MKLN1: variants seen among roughly 807,000 people sequenced by gnomAD.
MKLN1 encodes muskelin 1, also known as muskelin.
In MKLN1, 18 loss-of-function variants were observed where a neutral mutation model predicts 99.0. The observed-to-expected ratio is 0.18, with a 90% confidence interval of 0.13 to 0.27. The LOEUF (loss-of-function observed/expected upper bound fraction) is 0.27, where lower values mean the gene tolerates loss of function less well. Among genes scored for constraint, MKLN1 ranks in the 10% least tolerant of loss-of-function variants. The probability of loss-of-function intolerance (pLI) is 1.00; values close to 1 mark genes in which losing one functional copy is unlikely to be tolerated. For missense variants in MKLN1, 621 were observed against 875.9 expected, an observed-to-expected ratio of 0.71 and a Z score of 3.67; for synonymous variants, 288 against 293.2, an observed-to-expected ratio of 0.98 and a Z score of 0.18.
chr7:131,338,979 G>T (rs1169636138), intron 1 of MKLN1, among the ~76,000 whole-genome samples: 2 of 152,132 alleles, frequency 1.3e-5, no homozygotes, highest in Non-Finnish European at 2.9e-5. Flanking sequence ...TCCATTTAAT[G>T]AATAGTAAAT....
chr7:131,218,329 A>G (rs990049789), intron 3 of MKLN1, among the ~76,000 whole-genome samples: 15 of 152,252 alleles, frequency 9.9e-5, no homozygotes, highest in Non-Finnish European at 1.8e-4. Flanking sequence ...ATGACTGATT[A>G]GAGTTTAATT....
chr7:131,216,681 A>G (rs930219755), intron 3 of MKLN1, among the ~76,000 whole-genome samples: 7 of 152,280 alleles, frequency 4.6e-5, no homozygotes, highest in Admixed American at 4.6e-4. Context: ...CAATTTCTAC[A>G]ATGTCTTTCA....
intron 2 of MKLN1, among the ~76,000 whole-genome samples, chr7:131,378,804 T>A (rs1262166861): frequency 1.3e-5 from 2 of 151,254 alleles, no homozygotes; most frequent in Non-Finnish European, 1.5e-5. Context: ...CACTCCAGCC[T>A]GGGTGACAGA....
At chr7:131,466,078 A>G (rs550052353) in intron 14 of MKLN1, among the ~76,000 whole-genome samples, 198 bp from the exon 15 acceptor site, 2 of 152,294 alleles carry the variant, frequency 1.3e-5, no homozygotes, top group Admixed American at 6.5e-5. Context: ...GCATATGTGC[A>G]GTTTTTTAAA....
At chr7:131,315,096 A>G (rs1281314862) in intron 3 of MKLN1, among the ~76,000 whole-genome samples, 2 of 152,020 alleles carry the variant, frequency 1.3e-5, no homozygotes, top group East Asian at 1.9e-4. Context: ...GCTTTTGACT[A>G]TGGAGTTCTT....
chr7:131,447,833 A>G (rs1001385643), intron 12 of MKLN1, among the ~76,000 whole-genome samples: 16 of 152,328 alleles, frequency 1.1e-4, no homozygotes, highest in African/African-American at 3.6e-4. Context: ...AATGTACAAG[A>G]TGAAAACAGT....
chr7:131,450,838 C>T (rs558960447), intron 12 of MKLN1, among the ~76,000 whole-genome samples: 9 of 152,298 alleles, frequency 5.9e-5, no homozygotes, highest in South Asian at 2.1e-4. Flanking sequence ...TCATTGTTAA[C>T]GCAATTCTAG....
At chr7:131,123,479 T>C (rs560380289) in intron 1 of MKLN1, among the ~76,000 whole-genome samples, 24 of 152,304 alleles carry the variant, frequency 1.6e-4, no homozygotes, top group African/African-American at 5.3e-4. Flanking sequence ...CATTTAAAAA[T>C]GTGATGGCCT....
At chr7:131,351,040 C>T (rs894839879) in intron 1 of MKLN1, among the ~76,000 whole-genome samples, 3 of 152,086 alleles carry the variant, frequency 2.0e-5, no homozygotes, top group East Asian at 1.9e-4. Flanking sequence ...AGGATCCAAA[C>T]GCTTATTGCA....
intron 3 of MKLN1, among the ~76,000 whole-genome samples, chr7:131,205,621 C>A (rs1203484616): frequency 6.6e-6 from 1 of 152,132 alleles, no homozygotes; most frequent in Non-Finnish European, 1.5e-5. Context: ...ATTCATCAGG[C>A]TAGACTCTTA....
chr7:131,184,171 A>C (rs1405613141), intron 2 of MKLN1, among the ~76,000 whole-genome samples: 1 of 151,888 alleles, frequency 6.6e-6, no homozygotes, highest in East Asian at 1.9e-4. Context: ...TCACTATGTG[A>C]CTATTCACAG....
At chr7:131,369,570 G>A (rs914249593) in intron 1 of MKLN1, among the ~76,000 whole-genome samples, 4 of 152,132 alleles carry the variant, frequency 2.6e-5, no homozygotes, top group African/African-American at 9.7e-5. Context: ...TTCTTATCAA[G>A]TGTAACAGCA....
At chr7:131,472,720 G>T (rs1679724951) in intron 16 of MKLN1, among the ~76,000 whole-genome samples, 1 of 152,074 alleles carries the variant, frequency 6.6e-6, no homozygotes, top group Non-Finnish European at 1.5e-5. Context: ...GGAGGCCGAG[G>T]CGGGCGGATC....
intron 2 of MKLN1, among the ~76,000 whole-genome samples, chr7:131,162,690 G>A (rs1796072399): frequency 6.6e-6 from 1 of 152,044 alleles, no homozygotes. Context: ...TCTGAAATCC[G>A]AAATACTTGT....
intron 1 of MKLN1, 41 bp downstream of exon 1, chr7:131,328,038 G>T: frequency 6.2e-7 from 1 of 1,603,538 alleles, no homozygotes; most frequent in Non-Finnish European, 8.5e-7. Context: ...CCACCCTTCC[G>T]CGTCAGCACG....
chr7:131,153,932 G>A lies in MKLN1; in HGVS notation c.-297+10991G>A, dbSNP rs1269468778. ...CCTGCCTTGGCCTCCCAAAGTACTG[G>A]GATTATAGGCATGAGCCACTGCACC... On this transcript the variant is annotated intron_variant, in intron 2 of 7. Transcript: ENST00000416992. Among the ~76,000 whole-genome samples, 3 of 151,220 alleles carry A rather than the reference G, an allele frequency of 2.0e-5. No individual in the cohort carries two copies. In the East Asian group the frequency reaches 5.9e-4, roughly 30 times the overall value.
At chr7:131,204,105 A>G (rs1188121724) in intron 3 of MKLN1, among the ~76,000 whole-genome samples, 1 of 152,186 alleles carries the variant, frequency 6.6e-6, no homozygotes, top group African/African-American at 2.4e-5. Flanking sequence ...CACTCTGTAT[A>G]CAATCTCTTC....
intron 12 of MKLN1, among the ~76,000 whole-genome samples, chr7:131,448,430 A>T (rs1228454235): frequency 6.6e-6 from 1 of 152,174 alleles, no homozygotes; most frequent in East Asian, 1.9e-4. Context: ...TATTCTTTTT[A>T]TTTAATTTTG....
chr7:131,306,677 T>A (rs1798472371), intron 3 of MKLN1, among the ~76,000 whole-genome samples: 1 of 152,116 alleles, frequency 6.6e-6, no homozygotes, highest in Non-Finnish European at 1.5e-5. Flanking sequence ...TGACTGTTTA[T>A]GAAAGTTTAC....
Sources: gnomAD v4.1 joint callset for allele counts (sites outside exome capture counted in the v4.1 genomes callset) on GRCh38, gnomAD v4.1.1 for gene constraint, MANE v1.5 for transcripts, NCBI Gene and HGNC (gene_info 2026-07-23, HGNC 2026-07-21) for gene names.